The following GSN variants were observed in gnomAD, a reference collection of about 807,000 sequenced individuals.
The protein encoded by GSN is actin-depolymerizing factor.
In GSN, 56 loss-of-function variants were observed where a neutral mutation model predicts 85.7. The observed-to-expected ratio is 0.65, with a 90% CI of 0.53 to 0.82. GSN has a LOEUF of 0.82. Ranked by LOEUF, GSN falls within the 40% of genes least tolerant of loss-of-function variation. The pLI, the probability that GSN is intolerant of heterozygous loss-of-function variation, is 0.00. For missense variants in GSN, 857 were observed against 979.8 expected (o/e 0.87, Z 1.67); for synonymous variants, 373 against 399.1 (o/e 0.93, Z 0.78).
intron 4 of GSN, among the ~76,000 whole-genome samples, chr9:121,220,668 A>G (rs1305677066): frequency 6.6e-6 from 1 of 152,246 alleles, no homozygotes; most frequent in Non-Finnish European, 1.5e-5. Flanking sequence ...TGAGATAGTT[A>G]TTCTATTTTC....
intron 1 of GSN, among the ~76,000 whole-genome samples, chr9:121,272,914 T>G (rs2056182599): frequency 6.6e-6 from 1 of 152,162 alleles, no homozygotes; most frequent in South Asian, 2.1e-4. Flanking sequence ...CCTGGAGACG[T>G]GAGCTCCTTT....
chr9:121,307,940 G>A (rs1229651615), intron 4 of GSN, among the ~76,000 whole-genome samples: 1 of 152,214 alleles, frequency 6.6e-6, no homozygotes, highest in Non-Finnish European at 1.5e-5. Context: ...AGGCCTCACG[G>A]CCATCCAGCC....
At chr9:121,231,997 G>C (rs1391550932) in intron 5 of GSN, among the ~76,000 whole-genome samples, 1 of 152,176 alleles carries the variant, frequency 6.6e-6, no homozygotes, top group Non-Finnish European at 1.5e-5. Context: ...AACCCAGGAG[G>C]CGGAGGTTGA....
chr9:121,245,825 T>C (rs1436842672), intron 5 of GSN, among the ~76,000 whole-genome samples: 1 of 152,206 alleles, frequency 6.6e-6, no homozygotes, highest in Non-Finnish European at 1.5e-5. Context: ...CAATCATGGC[T>C]CTCTATAGCC....
In GSN at chr9:121,332,570, C is replaced by G; in HGVS notation, c.2163C>G (p.Pro721=). ...GWDDDYWSVD[P]LDRAMAELAA is the part of the protein sequence containing the mutation. ...ATGATGATTACTGGTCTGTGGACCC[C>G]TTGGACAGGGCCATGGCTGAGCTGG... The change falls in exon 18 of 18, where the codon CCC becomes CCG. Residue 721 remains proline, a synonymous_variant. Transcript: ENST00000432226. This position sits in a 1 kb window ranked among gnomAD's most constrained non-coding sequence, Gnocchi z 4.8. 1.2e-6 allele frequency: 2 copies of G among 1,614,040 alleles called. No individual in the cohort carries two copies. The highest frequency in any genetic ancestry group is 1.7e-6 in the Non-Finnish European group (2 of 1,179,986).
At chr9:121,301,778 C>A in intron 2 of GSN, 185 bp from the exon 3 acceptor site, 1 of 840,998 alleles carries the variant, frequency 1.2e-6, no homozygotes. Flanking sequence ...AAGCATAAAA[C>A]TCTTGCCCTG....
intron 16 of GSN, among the ~76,000 whole-genome samples, chr9:121,330,668 A>G (rs1264851615): frequency 6.6e-6 from 1 of 152,266 alleles, no homozygotes; most frequent in African/African-American, 2.4e-5. Context: ...TTAGATATGC[A>G]TAAAAATAGA....
Position 121,313,895 on chromosome 9 carries a change from C to T in GSN, c.664-39C>T, listed in dbSNP as rs768793340. The T allele has an allele frequency of 3.3e-6, 5 of 1,509,952 alleles. No homozygotes were observed. The South Asian group carries it at 4.5e-5, about 14-fold the overall frequency. The allele number at this position is 1,509,952 out of a possible 1,614,324, so 93.5% of individuals were successfully genotyped here. A position where few individuals can be genotyped will look rare whatever the true frequency, so the allele number is the denominator to read the frequency against. ...TATCTCAGGAGCCTGGCCCCTCCCT[C>T]ACAGCCACCCTTCCTCTCCATCTCT... is the stretch of plus-strand genomic sequence containing the variant. On this transcript the variant is annotated intron_variant, in intron 6 of 17. Coordinates refer to ENST00000432226, the MANE Select transcript of GSN (RefSeq NM_198252.3).
At chr9:121,240,498 G>A (rs1404695137) in intron 5 of GSN, among the ~76,000 whole-genome samples, 2 of 152,182 alleles carry the variant, frequency 1.3e-5, no homozygotes, top group African/African-American at 4.8e-5. Flanking sequence ...CTCGGGAGAG[G>A]CAAAAATTCC....
At chr9:121,274,713 A>G (rs1217292245) in intron 1 of GSN, among the ~76,000 whole-genome samples, 1 of 152,204 alleles carries the variant, frequency 6.6e-6, no homozygotes. Context: ...ACTAAGAGGA[A>G]GCTCAGGAAT....
At chr9:121,252,063 C>T (rs2054850107) in intron 6 of GSN, among the ~76,000 whole-genome samples, 1 of 151,962 alleles carries the variant, frequency 6.6e-6, no homozygotes, top group Non-Finnish European at 1.5e-5. Flanking sequence ...CCACTATGTA[C>T]CAGGCACTGT....
At chr9:121,214,279 C>T (rs180847731) in intron 4 of GSN, among the ~76,000 whole-genome samples, 29 of 151,640 alleles carry the variant, frequency 1.9e-4, no homozygotes, top group Non-Finnish European at 3.4e-4. Flanking sequence ...CTCTTTCTCT[C>T]CTCCTCCTTC....
chr9:121,294,562 C>T (rs544882866), intron 2 of GSN, among the ~76,000 whole-genome samples: 2 of 152,350 alleles, frequency 1.3e-5, no homozygotes, highest in Non-Finnish European at 2.9e-5. Context: ...TGGGAAAGGA[C>T]CATGGCTTTG....
At chr9:121,272,886 C>T (rs899453653) in intron 1 of GSN, among the ~76,000 whole-genome samples, 7 of 152,134 alleles carry the variant, frequency 4.6e-5, no homozygotes, top group African/African-American at 1.7e-4. Context: ...ACCCATTTTA[C>T]CAGTGAGGAA....
intron 6 of GSN, 54 bp downstream of exon 6, chr9:121,312,542 TC>T (rs1252290155): frequency 7.4e-6 from 11 of 1,480,898 alleles, no homozygotes; most frequent in Non-Finnish European, 9.1e-6. Flanking sequence ...CTCATGACTT[TC>T]TTCTGTTCAG....
intron 4 of GSN, among the ~76,000 whole-genome samples, chr9:121,228,819 G>C (rs2054329482): frequency 6.6e-6 from 1 of 152,128 alleles, no homozygotes; most frequent in Non-Finnish European, 1.5e-5. Flanking sequence ...TTTTGCCACA[G>C]TTTTTAAATC....
rs1384582534 is a variant in GSN at position 121,299,995 on chromosome 9, C to T, written c.-9-1968C>T. 1.4e-6 allele frequency: 2 copies of T among 1,435,204 alleles called. No homozygotes were observed. The highest frequency in any genetic ancestry group is 9.2e-7 in the Non-Finnish European group (1 of 1,085,392). 88.9% of individuals were successfully genotyped at this position (1,435,204 alleles called of 1,614,324 possible). A position where few individuals can be genotyped will look rare whatever the true frequency, so the allele number is the denominator to read the frequency against. ...GCGGGGGCGCCCCAGGGGCGGGTGC[C>T]CGAGGCGCGGGTGAGTGCCCGGGGG... is the stretch of plus-strand genomic sequence containing the variant. On this transcript the variant is annotated intron_variant, in intron 2 of 17. Coordinates refer to ENST00000432226, the MANE Select transcript of GSN (RefSeq NM_198252.3). This position sits in a 1 kb window ranked among gnomAD's most constrained non-coding sequence, Gnocchi z 4.2.
At chr9:121,301,353 G>A (rs1053439950) in intron 2 of GSN, among the ~76,000 whole-genome samples, 1 of 152,198 alleles carries the variant, frequency 6.6e-6, no homozygotes, top group Non-Finnish European at 1.5e-5. Flanking sequence ...GAGGCTGGGC[G>A]CGGTGGCTCA....
Position 121,327,454 on chromosome 9 carries a change from T to C in GSN, c.1734T>C (p.Pro578=), listed in dbSNP as rs2063357519. ...TGCTCAGGGTGCTGCGGGCCCAACC[T>C]GTGCAGGTGGCAGAAGGCAGCGAGC... ...QELLRVLRAQ[P]VQVAEGSEPD... is the part of the protein sequence containing the mutation. Residue 578 remains proline (P), a synonymous_variant, in exon 14 of 18, where the codon CCT becomes CCC. Coordinates refer to ENST00000432226, the MANE Select transcript of GSN (RefSeq NM_198252.3). 1 of 1,593,406 alleles carries C rather than the reference T, an allele frequency of 6.3e-7. No homozygotes were observed. Among genetic ancestry groups the C allele is most frequent in the Non-Finnish European group, 8.6e-7 (1 of 1,169,242 alleles).
Sources: gnomAD v4.1 joint callset for allele counts (sites outside exome capture counted in the v4.1 genomes callset) on GRCh38, gnomAD v4.1.1 for gene constraint, Gnocchi (gnomAD v3.1) non-coding constraint, MANE v1.5 for transcripts, NCBI Gene and HGNC (gene_info 2026-07-23, HGNC 2026-07-21) for gene names.